Variants in DDX60 observed in about 807,000 individuals in gnomAD.
The protein encoded by DDX60 is DExD/H-box helicase 60.
DDX60 carries 165 observed loss-of-function variants against 212.8 expected under a neutral mutation model. The observed-to-expected ratio is 0.78, with a 90% CI of 0.68 to 0.88. DDX60 has a LOEUF of 0.88. Ranked by LOEUF, DDX60 falls within the 40% of genes least tolerant of loss-of-function variation. The pLI, the probability that DDX60 is intolerant of heterozygous loss-of-function variation, is 0.00. For synonymous variants in DDX60, 703 were observed against 685.3 expected, an observed-to-expected ratio of 1.03 and a Z score of -0.40; for missense variants, 1,905 against 2,003.9, an observed-to-expected ratio of 0.95 and a Z score of 0.94.
At position 168,306,287 on chromosome 4, in the gene DDX60, A is replaced by C; in HGVS notation, c.606+92T>G. ...ATACCTATCTGTTAAGCCTCTGATA[A>C]TTTCCTAGAGGAGGAGGAGAAAAAA... is the stretch of plus-strand genomic sequence containing the variant. On this transcript the variant is annotated intron_variant, in intron 5 of 37. Coordinates refer to ENST00000393743, the MANE Select transcript of DDX60 (RefSeq NM_017631.6). 4 of 811,878 alleles carry C rather than the reference A, an allele frequency of 4.9e-6. No individual in the cohort carries two copies. The South Asian group carries it at 7.7e-5, about 16-fold the overall frequency. 50.3% of individuals were successfully genotyped at this position (811,878 alleles called of 1,614,324 possible).
upstream of DDX60, among the ~76,000 whole-genome samples, chr4:168,323,293 G>A (rs1456980769): frequency 6.6e-6 from 1 of 152,142 alleles, no homozygotes; most frequent in Non-Finnish European, 1.5e-5. Context: ...AAATTTAGAG[G>A]TGCCCCCATT....
intron 14 of DDX60, among the ~76,000 whole-genome samples, chr4:168,277,014 A>C (rs746695293): frequency 6.6e-6 from 1 of 152,228 alleles, no homozygotes; most frequent in Non-Finnish European, 1.5e-5. Flanking sequence ...TAAATGGATC[A>C]AAGTGTGGAG....
At chr4:168,234,500 C>T (rs924863397) in intron 33 of DDX60, among the ~76,000 whole-genome samples, 4 of 151,934 alleles carry the variant, frequency 2.6e-5, no homozygotes, top group Non-Finnish European at 5.9e-5. Flanking sequence ...ATTGTATTTT[C>T]AGTTCTAAAA....
At position 168,280,538 on chromosome 4, in the gene DDX60, C is replaced by T. The variant is rs762546106; in HGVS notation, c.1775G>A (p.Arg592Lys). 1 of 1,614,002 alleles carries T rather than the reference C, an allele frequency of 6.2e-7. No homozygotes were observed. The highest frequency in any genetic ancestry group is 1.7e-5 in the Admixed American group (1 of 60,010). Residue 592 changes from arginine to lysine, a missense_variant, in exon 14 of 38, where the codon AGG becomes AAG. Arg to Lys is a conservative substitution (Grantham distance 26, BLOSUM62 2). Transcript: ENST00000393743. ...ARENKKRLFA[R>K]EEQKEEQKWN... Reference sequence around the variant, plus strand: ...CTTTTGCTCTTCCTTTTGTTCTTCCCTGGCAAATAACCTTTTCTTATTCTC... The same window carrying T: ...CTTTTGCTCTTCCTTTTGTTCTTCCTTGGCAAATAACCTTTTCTTATTCTC...
At chr4:168,280,232 G>C in intron 14 of DDX60, 103 bp downstream of exon 14, 1 of 1,398,362 alleles carries the variant, frequency 7.2e-7, no homozygotes, top group Non-Finnish European at 9.8e-7. Flanking sequence ...GATAGGGCAT[G>C]TAAGTCTTCT....
intron 32 of DDX60, 54 bp downstream of exon 32, chr4:168,237,232 T>G: frequency 8.1e-7 from 1 of 1,232,972 alleles, no homozygotes; most frequent in Non-Finnish European, 1.1e-6. Flanking sequence ...TCTACAAATC[T>G]GTTGCTATTT....
chr4:168,239,883 T>C (rs561746394), intron 30 of DDX60, among the ~76,000 whole-genome samples: 1 of 151,072 alleles, frequency 6.6e-6, no homozygotes, highest in Non-Finnish European at 1.5e-5. Flanking sequence ...TTGTTTTCTA[T>C]ATGCAGCAAA....
Position 168,221,765 on chromosome 4 carries a change from T to C in DDX60, c.4941A>G (p.Lys1647=). 1.2e-6 allele frequency: 2 copies of C among 1,612,954 alleles called. No individual in the cohort carries two copies. The highest frequency in any genetic ancestry group is 2.2e-5 in the South Asian group (2 of 90,960). ...SLNAYALDFY[K]HGSLIGLVQD... ...GGACTAATCCTATCAAGGAACCATG[T>C]TTGTAGAAATCCAGTGCATAGGCAT... Residue 1647 remains lysine (K), a synonymous_variant, in exon 36 of 38, where the codon AAA becomes AAG. Coordinates refer to ENST00000393743, the MANE Select transcript of DDX60 (RefSeq NM_017631.6).
At chr4:168,256,622 C>T (rs1018469662) in intron 25 of DDX60, among the ~76,000 whole-genome samples, 7 of 152,132 alleles carry the variant, frequency 4.6e-5, no homozygotes, top group African/African-American at 1.7e-4. Context: ...GAAGTAAAGG[C>T]AAACATTTCC....
chr4:168,225,506 C>T (rs1276295461), intron 34 of DDX60, 23 bp downstream of exon 34: 1 of 1,580,084 alleles, frequency 6.3e-7, no homozygotes, highest in Non-Finnish European at 8.6e-7. Context: ...AATTGTTCCA[C>T]AATGGAGGTA....
chr4:168,324,941 G>A, the DDX60 span, among the ~76,000 whole-genome samples: 29 of 152,354 alleles, frequency 1.9e-4, no homozygotes, highest in East Asian at 3.7e-3. Context: ...TGGTAGAGGC[G>A]TATTATGTCC....
At chr4:168,249,436 C>T (rs908919718) in intron 28 of DDX60, among the ~76,000 whole-genome samples, 3 of 151,956 alleles carry the variant, frequency 2.0e-5, no homozygotes, top group Non-Finnish European at 1.5e-5. Context: ...TATATATCTG[C>T]GAAAATGCAA....
chr4:168,299,550 A>G (rs554707672), intron 6 of DDX60, among the ~76,000 whole-genome samples: 11 of 152,118 alleles, frequency 7.2e-5, no homozygotes, highest in African/African-American at 2.6e-4. Flanking sequence ...CAGACAAACC[A>G]CTAGCTAACC....
chr4:168,246,292 T>G, intron 30 of DDX60, 126 bp downstream of exon 30: 1 of 1,099,090 alleles, frequency 9.1e-7, no homozygotes, highest in Non-Finnish European at 1.3e-6. Flanking sequence ...ATTCAAGACA[T>G]TACAAAACAT....
chr4:168,287,145 G>A lies in DDX60; in HGVS notation c.1242C>T (p.Thr414=), dbSNP rs144769993. Residue 414 remains threonine (T), a synonymous_variant, in exon 10 of 38, where the codon ACC becomes ACT. Coordinates refer to ENST00000393743, the MANE Select transcript of DDX60 (RefSeq NM_017631.6). Reference sequence around the variant, plus strand: ...CAAAGTCTCTGACCAACTTTGATACGGTATTCCAGAGATATTCATAATCTT... The same window carrying A: ...CAAAGTCTCTGACCAACTTTGATACAGTATTCCAGAGATATTCATAATCTT... ...IMKDYEYLWN[T]VSKLVRDFEV... The A allele has an allele frequency of 1.6e-5, 25 of 1,610,290 alleles. No homozygotes were observed. Among genetic ancestry groups the A allele is most frequent in the African/African-American group, 9.4e-5 (7 of 74,754 alleles).
chr4:168,261,108 T>A (rs906044280), intron 24 of DDX60, 119 bp from the exon 25 acceptor site: 5 of 1,078,978 alleles, frequency 4.6e-6, no homozygotes, highest in African/African-American at 3.3e-5. Flanking sequence ...TTTAAAATAG[T>A]CCTATGAAAG....
intron 35 of DDX60, 45 bp from the exon 36 acceptor site, chr4:168,221,926 A>T: frequency 1.3e-6 from 2 of 1,561,094 alleles, no homozygotes; most frequent in Non-Finnish European, 8.7e-7. Flanking sequence ...ATGTATAAAG[A>T]AAGTTGATAA....
At chr4:168,267,334 A>G (rs1034421034) in intron 22 of DDX60, among the ~76,000 whole-genome samples, 1 of 152,206 alleles carries the variant, frequency 6.6e-6, no homozygotes, top group African/African-American at 2.4e-5. Context: ...AATAAATAAA[A>G]TTAGCTAAAA....
intron 1 of DDX60, among the ~76,000 whole-genome samples, chr4:168,313,401 T>C (rs1003123172): frequency 6.6e-6 from 1 of 152,120 alleles, no homozygotes; most frequent in Admixed American, 6.5e-5. Context: ...GGAGATGACA[T>C]TGGAAAGGTA....
Sources: gnomAD v4.1 joint callset for allele counts (sites outside exome capture counted in the v4.1 genomes callset) on GRCh38, gnomAD v4.1.1 for gene constraint, MANE v1.5 for transcripts, NCBI Gene and HGNC (gene_info 2026-07-23, HGNC 2026-07-21) for gene names.